Variants in PLET1 observed in about 807,000 individuals in gnomAD.
PLET1 encodes placenta-expressed transcript 1 protein.
Under a neutral mutation model 18.5 loss-of-function variants are expected in PLET1, and 20 were observed. The ratio of observed to expected loss-of-function variants is 1.08; its 90% CI spans 0.76 to 1.57. The LOEUF (loss-of-function observed/expected upper bound fraction) is 1.57. Among genes scored for constraint, PLET1 ranks in the 40% most tolerant of loss-of-function variants. The probability of loss-of-function intolerance (pLI) is 0.00; values close to 1 mark genes in which losing one functional copy is unlikely to be tolerated. For synonymous variants in PLET1, 93 were observed against 93.8 expected (o/e 0.99, Z 0.05); for missense variants, 256 against 246.4 (o/e 1.04, Z -0.26).
chr11:112,252,439 G>A, intron 2 of PLET1, 30 bp from the exon 3 acceptor site: 1 of 1,536,454 alleles, frequency 6.5e-7, no homozygotes, highest in Non-Finnish European at 8.8e-7. Context: ...GAGAGATAAT[G>A]CTGAGGACCT....
chr11:112,254,525 T>TG (rs1860192730), intron 2 of PLET1, among the ~76,000 whole-genome samples: 1 of 139,628 alleles, frequency 7.2e-6, no homozygotes, highest in African/African-American at 2.8e-5. Flanking sequence ...GTGTGGTATG[T>TG]ATGTGTGTGG....
chr11:112,249,372 C>T (rs934665363), intron 3 of PLET1, among the ~76,000 whole-genome samples: 1 of 152,114 alleles, frequency 6.6e-6, no homozygotes, highest in Non-Finnish European at 1.5e-5. Context: ...ATGTTATTTT[C>T]TTCTTGTGAA....
At chr11:112,259,868 T>A (rs1223143342) in intron 1 of PLET1, among the ~76,000 whole-genome samples, 1 of 152,030 alleles carries the variant, frequency 6.6e-6, no homozygotes, top group Non-Finnish European at 1.5e-5. Context: ...AGAAGCCCCA[T>A]CTCTACTAAA....
In PLET1 at chr11:112,260,637, G is replaced by T; in HGVS notation, c.-48C>A. The T allele has an allele frequency of 6.8e-7, 1 of 1,479,964 alleles. No individual in the cohort carries two copies. Among genetic ancestry groups the T allele is most frequent in the South Asian group, 1.3e-5 (1 of 78,418 alleles). The allele number at this position is 1,479,964 out of a possible 1,614,324, so 91.7% of individuals were successfully genotyped here. A position where few individuals can be genotyped will look rare whatever the true frequency, so the allele number is the denominator to read the frequency against. On this transcript the variant is annotated 5_prime_UTR_variant, in exon 1 of 4. Transcript: ENST00000338832. ...GCTAGGCCTGGAATTGGGTGAAACTGACAACTCACCTCTTGTTTATATGCC... is the reference window on the plus strand; with the variant it reads ...GCTAGGCCTGGAATTGGGTGAAACTTACAACTCACCTCTTGTTTATATGCC...
Position 112,260,507 on chromosome 11 carries a change from A to C in PLET1, c.83T>G (p.Ile28Arg). ...GGTGAAGCAGGTGCTACTGTACCTT[A>C]TAAAGGTGGCAGAAGAAAGCTGCAG... ...LSLQLSSATF[I>R]RYSSTCFTFD... Residue 28 changes from isoleucine to arginine, a missense_variant, in exon 1 of 4, where the codon ATA becomes AGA. Physicochemically the swap from Ile to Arg is moderately conservative, Grantham distance 97. Transcript: ENST00000338832. 1 of 1,551,624 alleles carries C rather than the reference A, an allele frequency of 6.4e-7. No individual in the cohort carries two copies. Among genetic ancestry groups the C allele is most frequent in the Non-Finnish European group, 8.7e-7 (1 of 1,146,876 alleles).
chr11:112,252,994 C>A (rs1043695046), intron 2 of PLET1, among the ~76,000 whole-genome samples: 1 of 152,158 alleles, frequency 6.6e-6, no homozygotes, highest in African/African-American at 2.4e-5. Context: ...TGAAAGGACA[C>A]CTCATTTCAG....
rs115026078 is a variant in PLET1 at position 112,255,267 on chromosome 11, G to A, written c.386+121C>T. Reference sequence around the variant, plus strand: ...GCACTGTGAGACGGTAATGAAGTGCGACTGCTGAGTTCTCCATATCACGTC... The same window carrying A: ...GCACTGTGAGACGGTAATGAAGTGCAACTGCTGAGTTCTCCATATCACGTC... On this transcript the variant is annotated intron_variant, in intron 2 of 3. Coordinates refer to ENST00000338832, the MANE Select transcript of PLET1 (RefSeq NM_001145024.1). The A allele has an allele frequency of 1.2e-3, 1,247 of 1,013,212 alleles. 10 individuals are homozygous for A. The African/African-American group carries it at 0.018, about 14-fold the overall frequency. The allele number at this position is 1,013,212 out of a possible 1,614,324, so 62.8% of individuals were successfully genotyped here.
chr11:112,259,668 T>C (rs568948319), intron 1 of PLET1, among the ~76,000 whole-genome samples: 82 of 152,294 alleles, frequency 5.4e-4, no homozygotes, highest in African/African-American at 1.8e-3. Context: ...GTTTATTAGA[T>C]TTTTTTCACC....
Position 112,248,836 on chromosome 11 carries a change from A to G in PLET1, c.587T>C (p.Ile196Thr). 6.4e-7 allele frequency: 1 copy of G among 1,551,606 alleles called. No homozygotes were observed. Among genetic ancestry groups the G allele is most frequent in the Non-Finnish European group, 8.7e-7 (1 of 1,146,978 alleles). Residue 196 changes from isoleucine to threonine, a missense_variant, in exon 4 of 4, where the codon ATC becomes ACC. Physicochemically the swap from Ile to Thr is moderately conservative, Grantham distance 89. Transcript: ENST00000338832. Reference protein sequence around the residue: ...FSSPITEAIYILLAFLTSTLL... With the variant: ...FSSPITEAIYTLLAFLTSTLL... ...TGTGCTGGTGAGAAAAGCAAGCAGG[A>G]TATAAATGGCCTCTGTGATGGGGCT...
chr11:112,256,921 T>G (rs1208596742), intron 1 of PLET1, among the ~76,000 whole-genome samples: 1 of 152,228 alleles, frequency 6.6e-6, no homozygotes, highest in African/African-American at 2.4e-5. Context: ...TCCTCTTTCT[T>G]CCTTCCTAGG....
Position 112,248,648 on chromosome 11 carries a change from A to G in PLET1, c.*151T>C. ...CAAGCCTGCCAATGAGTGCCTCCAG[A>G]TCTTTGTTTTGGTCTGAAGCCGTGG... On this transcript the variant is annotated 3_prime_UTR_variant, in exon 4 of 4. Coordinates refer to ENST00000338832, the MANE Select transcript of PLET1 (RefSeq NM_001145024.1). The G allele has an allele frequency of 1.2e-6, 1 of 826,102 alleles. No homozygotes were observed. The highest frequency in any genetic ancestry group is 1.9e-6 in the Non-Finnish European group (1 of 534,626). 51.2% of individuals were successfully genotyped at this position (826,102 alleles called of 1,614,324 possible).
intron 2 of PLET1, among the ~76,000 whole-genome samples, chr11:112,253,205 G>T (rs945387406): frequency 2.6e-5 from 4 of 152,134 alleles, no homozygotes; most frequent in African/African-American, 9.7e-5. Context: ...ATTTGATTTG[G>T]GAGTTCAGGG....
At chr11:112,256,398 A>C (rs1336785248) in intron 1 of PLET1, among the ~76,000 whole-genome samples, 1 of 152,190 alleles carries the variant, frequency 6.6e-6, no homozygotes, top group Admixed American at 6.5e-5. Flanking sequence ...CATGCAACAC[A>C]AAAGGATCAG....
intron 3 of PLET1, among the ~76,000 whole-genome samples, chr11:112,251,891 C>G (rs1177379932): frequency 2.6e-5 from 4 of 152,232 alleles, no homozygotes; most frequent in Non-Finnish European, 5.9e-5. Flanking sequence ...AAAGACATTG[C>G]TATTTCTATG....
At chr11:112,249,156 G>C (rs1436922624) in intron 3 of PLET1, among the ~76,000 whole-genome samples, 182 bp from the exon 4 acceptor site, 1 of 152,050 alleles carries the variant, frequency 6.6e-6, no homozygotes, top group Non-Finnish European at 1.5e-5. Context: ...AAAAGCTGGG[G>C]GTTAAACACA....
chr11:112,248,378 C>G lies in PLET1; in HGVS notation c.*421G>C. On this transcript the variant is annotated 3_prime_UTR_variant, in exon 4 of 4. Transcript: ENST00000338832. ...CATGAGTCACAGAAGTTCCTTGTAA[C>G]CTGAATGGGTTTGGTTAGAAATCTG... 2.6e-6 allele frequency: 1 copy of G among 390,442 alleles called. No homozygotes were observed. The highest frequency in any genetic ancestry group is 4.5e-6 in the Non-Finnish European group (1 of 221,738). 24.2% of individuals were successfully genotyped at this position (390,442 alleles called of 1,614,324 possible).
intron 3 of PLET1, among the ~76,000 whole-genome samples, chr11:112,250,858 ACT>A (rs534670743): frequency 2.1e-4 from 32 of 152,242 alleles, no homozygotes; most frequent in African/African-American, 6.3e-4. Context: ...GGAAAAAACT[ACT>A]CTCTGTTTTC....
rs33963716 is a variant in PLET1, at chr11:112,250,220, CTTTTTTTTT to C, written c.449-1255_449-1247del. Among the ~76,000 whole-genome samples the C allele has an allele frequency of 8.0e-5, 4 of 49,860 alleles. No individual in the cohort carries two copies. The East Asian group carries it at 2.2e-3, about 27-fold the overall frequency. 32.7% of individuals were successfully genotyped at this position (49,860 alleles called of 152,430 possible). ...TAACGAGTCCTGACTAGAAACAAACCTTTTTTTTTTTTTTTTTTTTTTTTTCCTTTTTGG... is the reference window on the plus strand; with the variant it reads ...TAACGAGTCCTGACTAGAAACAAACCTTTTTTTTTTTTTTTTCCTTTTTGG... On this transcript the variant is annotated intron_variant, in intron 3 of 3. Transcript: ENST00000338832.
intron 2 of PLET1, among the ~76,000 whole-genome samples, chr11:112,253,536 G>A (rs1592889933): frequency 6.6e-6 from 1 of 152,054 alleles, no homozygotes; most frequent in Admixed American, 6.5e-5. Flanking sequence ...TTTGTCTTGC[G>A]GATGGTCACT....
Sources: gnomAD v4.1 joint callset for allele counts (sites outside exome capture counted in the v4.1 genomes callset) on GRCh38, gnomAD v4.1.1 for gene constraint, MANE v1.5 for transcripts, NCBI Gene and HGNC (gene_info 2026-07-23, HGNC 2026-07-21) for gene names.